Variants in GBF1 observed in about 807,000 individuals in gnomAD.
The protein encoded by GBF1 is Golgi-specific brefeldin A-resistance guanine nucleotide exchange factor 1.
A neutral mutation model predicts 210.5 loss-of-function variants in GBF1; 114 were observed. The observed-to-expected ratio is 0.54, with a 90% confidence interval of 0.47 to 0.63. The LOEUF (loss-of-function observed/expected upper bound fraction) is 0.63, where lower values mean the gene tolerates loss of function less well. GBF1 is among the 30% of genes least tolerant of loss of function. The probability of loss-of-function intolerance (pLI) is 0.00; values close to 1 mark genes in which losing one functional copy is unlikely to be tolerated. For synonymous variants in GBF1, 850 were observed against 889.2 expected, an observed-to-expected ratio of 0.96 and a Z score of 0.78; for missense variants, 1,851 against 2,357.7, an observed-to-expected ratio of 0.79 and a Z score of 4.45.
At chr10:102,319,356 T>G (rs1356744670) in intron 3 of GBF1, among the ~76,000 whole-genome samples, 5 of 150,516 alleles carry the variant, frequency 3.3e-5, no homozygotes, top group Non-Finnish European at 5.9e-5. Flanking sequence ...CTGGGTAACA[T>G]AGCAGGACTC....
chr10:102,379,828 G>A (rs577146778), intron 35 of GBF1, 25 bp from the exon 36 acceptor site: 4 of 1,561,154 alleles, frequency 2.6e-6, no homozygotes, highest in East Asian at 2.2e-5. Context: ...CTCATAGGGA[G>A]ACATTGCACA....
intron 29 of GBF1, among the ~76,000 whole-genome samples, chr10:102,373,619 A>G (rs2060333168): frequency 6.6e-6 from 1 of 152,248 alleles, no homozygotes; most frequent in South Asian, 2.1e-4. Context: ...TGGCTGAAAT[A>G]AAAAGTAGTG....
chr10:102,233,784 T>C, the GBF1 span, among the ~76,000 whole-genome samples: 1 of 152,194 alleles, frequency 6.6e-6, no homozygotes, highest in Non-Finnish European at 1.5e-5. Context: ...CTCCAGGCCA[T>C]AGGCAGGAGC....
intron 3 of GBF1, among the ~76,000 whole-genome samples, chr10:102,271,884 T>G (rs1414171163): frequency 6.6e-6 from 1 of 151,808 alleles, no homozygotes; most frequent in East Asian, 1.9e-4. Flanking sequence ...CCCAAGTAGC[T>G]GGGACTACAG....
chr10:102,374,672 G>T (rs950918237), intron 29 of GBF1, among the ~76,000 whole-genome samples: 6 of 152,142 alleles, frequency 3.9e-5, no homozygotes, highest in African/African-American at 1.4e-4. Context: ...ACCTACACAG[G>T]TAATAAAATT....
At chr10:102,381,625 C>T (rs933089356) in intron 39 of GBF1, among the ~76,000 whole-genome samples, 2 of 151,724 alleles carry the variant, frequency 1.3e-5, no homozygotes, top group Non-Finnish European at 2.9e-5. Context: ...GAGTTTGAAA[C>T]CAGCCTGGCC....
At chr10:102,381,969 GACTCTATA>G in intron 39 of GBF1, 79 bp from the exon 40 acceptor site, 1 of 1,179,262 alleles carries the variant, frequency 8.5e-7, no homozygotes. Context: ...GAGGAACAGA[GACTCTATA>G]AGCAGCCAGC....
In GBF1 at chr10:102,330,596, G is replaced by T. The variant is rs550003964; in HGVS notation, c.164-13455G>T. Among the ~76,000 whole-genome samples the T allele has an allele frequency of 2.0e-3, 303 of 152,080 alleles. 2 individuals carry two copies. The highest frequency in any genetic ancestry group is 3.7e-3 in the Non-Finnish European group (249 of 67,988). ...CTACACTCAGGAGGCTGAGGCAGGA[G>T]AATCGCTTGAACTCTGGAGGTGGAG... On this transcript the variant is annotated intron_variant, in intron 3 of 39. Transcript: ENST00000369983.
rs754578473 is a variant in GBF1, at chr10:102,360,318, C to T, written c.1315C>T (p.Leu439Phe). ...HMGLHLLTVA[L>F]ESAPVAQCQT... is the part of the protein sequence containing the mutation. The stretch of plus-strand genomic sequence containing the variant: ...GGGACTGCATTTGCTGACAGTGGCC[C>T]TTGAGTCAGCCCCTGTAGCCCAGTG... Residue 439 changes from leucine to phenylalanine, a missense_variant, in exon 12 of 40, where the codon CTT becomes TTT. Transcript: ENST00000369983. 1 of 1,613,646 alleles carries T rather than the reference C, an allele frequency of 6.2e-7. No individual in the cohort carries two copies. Among genetic ancestry groups the T allele is most frequent in the Non-Finnish European group, 8.5e-7 (1 of 1,179,548 alleles).
chr10:102,369,733 A>G lies in GBF1; in HGVS notation c.3173A>G (p.Asn1058Ser), dbSNP rs1206655045. The change falls in exon 25 of 40, where the codon AAT becomes AGT. Residue 1058 changes from asparagine to serine, a missense_variant. Coordinates refer to ENST00000369983, the MANE Select transcript of GBF1 (RefSeq NM_001377137.1). ...MIEVEDFVDP[N>S]GKISLQREET... ...CAGGTAGAAGATTTCGTGGATCCCA[A>G]TGGCAAGATCTCTCTACAGCGGGAA... 3 of 1,614,070 alleles carry G rather than the reference A, an allele frequency of 1.9e-6. No homozygotes were observed. The highest frequency in any genetic ancestry group is 1.3e-5 in the African/African-American group (1 of 74,946).
chr10:102,357,049 T>C (rs1033728202), intron 8 of GBF1, among the ~76,000 whole-genome samples: 53 of 152,224 alleles, frequency 3.5e-4, no homozygotes, highest in African/African-American at 1.1e-3. Context: ...CTCATTGATA[T>C]AACAAATTGG....
At chr10:102,369,495 C>T (rs2060089667) in intron 24 of GBF1, 108 bp downstream of exon 24, 1 of 931,018 alleles carries the variant, frequency 1.1e-6, no homozygotes, top group African/African-American at 1.6e-5. Flanking sequence ...GGCCTGATGC[C>T]TGCCACAGCT....
intron 3 of GBF1, among the ~76,000 whole-genome samples, chr10:102,281,726 C>T (rs1350040105): frequency 2.6e-5 from 4 of 151,528 alleles, no homozygotes; most frequent in African/African-American, 9.7e-5. Flanking sequence ...ACACATTTGT[C>T]ACAATTAATG....
Position 102,361,097 on chromosome 10 carries a change from G to A in GBF1, c.1468G>A (p.Glu490Lys), listed in dbSNP as rs772275542. 4 of 1,596,940 alleles carry A rather than the reference G, an allele frequency of 2.5e-6. No individual in the cohort carries two copies. Among genetic ancestry groups the A allele is most frequent in the Admixed American group, 1.7e-5 (1 of 59,974 alleles). ...VCFLLFESMR[E>K]HLKFQMEMYI... is the part of the protein sequence containing the mutation. ...CTTCCTACTGTTTGAGAGCATGCGAGAGCACCTCAAGTTCCAAATGGAGGT... is the reference window on the plus strand; with the variant it reads ...CTTCCTACTGTTTGAGAGCATGCGAAAGCACCTCAAGTTCCAAATGGAGGT... The change falls in exon 13 of 40, where the codon GAG becomes AAG. Residue 490 changes from glutamate to lysine, a missense_variant. Glu to Lys is a moderately conservative substitution (Grantham distance 56, BLOSUM62 1). Transcript: ENST00000369983.
intron 5 of GBF1, 146 bp downstream of exon 5, chr10:102,351,520 C>A (rs553262487): frequency 1.6e-6 from 1 of 626,362 alleles, no homozygotes; most frequent in South Asian, 1.9e-5. Flanking sequence ...AGCTGGGGTA[C>A]CCAAAGTAAA....
chr10:102,261,780 C>T (rs1248484579), intron 3 of GBF1, among the ~76,000 whole-genome samples: 1 of 151,914 alleles, frequency 6.6e-6, no homozygotes, highest in East Asian at 1.9e-4. Flanking sequence ...CACCACCACA[C>T]CCGACTAATT....
At position 102,363,325 on chromosome 10, in the gene GBF1, G is replaced by T; in HGVS notation, c.1946G>T (p.Gly649Val). 1 of 1,614,044 alleles carries T rather than the reference G, an allele frequency of 6.2e-7. No homozygotes were observed. The highest frequency in any genetic ancestry group is 8.5e-7 in the Non-Finnish European group (1 of 1,179,902). Reference protein sequence around the residue: ...ASDIPGLHLPGGGRLPPEHGK... With the variant: ...ASDIPGLHLPVGGRLPPEHGK... ...GACATCCCAGGCCTGCATCTGCCAGGTGGAGGGCGGCTGCCACCAGAACAT... is the reference window on the plus strand; with the variant it reads ...GACATCCCAGGCCTGCATCTGCCAGTTGGAGGGCGGCTGCCACCAGAACAT... The change falls in exon 16 of 40, where the codon GGT (glycine) becomes GTT (valine). Residue 649 changes from glycine to valine, a missense_variant. Gly to Val is a moderately radical substitution (Grantham distance 109). Coordinates refer to ENST00000369983, the MANE Select transcript of GBF1 (RefSeq NM_001377137.1). This position sits in a 1 kb window ranked among gnomAD's most constrained non-coding sequence, Gnocchi z 4.2.
At chr10:102,274,638 C>T (rs887683223) in intron 3 of GBF1, among the ~76,000 whole-genome samples, 1 of 143,576 alleles carries the variant, frequency 7.0e-6, no homozygotes, top group African/African-American at 2.6e-5. Context: ...TTTGAGTCCT[C>T]TTTGGCTTGG....
At chr10:102,282,181 C>T (rs868763463) in intron 3 of GBF1, among the ~76,000 whole-genome samples, 4 of 151,776 alleles carry the variant, frequency 2.6e-5, no homozygotes, top group African/African-American at 7.3e-5. Context: ...GTGATCCACC[C>T]GCCTCGGCCT....
Sources: allele counts gnomAD v4.1 joint callset (sites outside exome capture counted in the v4.1 genomes callset), GRCh38; gene constraint gnomAD v4.1.1; non-coding constraint Gnocchi (gnomAD v3.1); transcripts MANE v1.5; gene names NCBI Gene and HGNC (gene_info 2026-07-23, HGNC 2026-07-21).